THRB: variants seen among roughly 807,000 people sequenced by gnomAD.
THRB encodes the protein thyroid hormone receptor beta.
Under a neutral mutation model 47.8 loss-of-function variants are expected in THRB, and 12 were observed. The observed-to-expected ratio is 0.25, with a 90% CI of 0.16 to 0.41. The LOEUF (loss-of-function observed/expected upper bound fraction) is 0.41, where lower values mean the gene tolerates loss of function less well. THRB is among the 10% of genes least tolerant of loss of function. The probability of loss-of-function intolerance (pLI) is 1.00; values close to 1 mark genes in which losing one functional copy is unlikely to be tolerated. For missense variants in THRB, 348 were observed against 589.2 expected (o/e 0.59, Z 4.24); for synonymous variants, 218 against 212.2 (o/e 1.03, Z -0.24).
chr3:24,448,845 C>A (rs2072355563), intron 1 of THRB, among the ~76,000 whole-genome samples: 1 of 152,122 alleles, frequency 6.6e-6, no homozygotes, highest in Non-Finnish European at 1.5e-5. Context: ...AGAGTAAGAA[C>A]ACAAGCCAGC....
intron 1 of THRB, among the ~76,000 whole-genome samples, chr3:24,426,918 C>T (rs758630229): frequency 1.3e-5 from 2 of 151,944 alleles, no homozygotes; most frequent in Non-Finnish European, 2.9e-5. Context: ...AAATCAAAAA[C>T]ACTGTCTAGA....
At chr3:24,380,502 C>T (rs933687851) in intron 1 of THRB, among the ~76,000 whole-genome samples, 3 of 152,058 alleles carry the variant, frequency 2.0e-5, no homozygotes, top group Admixed American at 2.0e-4. Context: ...CCAGAGAATT[C>T]CTATCCCTTT....
At chr3:24,305,290 C>T (rs1377161259) in intron 2 of THRB, among the ~76,000 whole-genome samples, 1 of 152,174 alleles carries the variant, frequency 6.6e-6, no homozygotes, top group Non-Finnish European at 1.5e-5. Context: ...GCATCCAGGA[C>T]TCTAAGATGA....
intron 6 of THRB, among the ~76,000 whole-genome samples, chr3:24,148,493 C>T (rs905501621): frequency 7.2e-5 from 11 of 152,146 alleles, no homozygotes; most frequent in African/African-American, 2.7e-4. Flanking sequence ...AACACCTGGC[C>T]TCAAGTGATC....
At chr3:24,411,306 T>C (rs1216521312) in intron 1 of THRB, among the ~76,000 whole-genome samples, 1 of 151,856 alleles carries the variant, frequency 6.6e-6, no homozygotes, top group African/African-American at 2.4e-5. Context: ...TTCATTTGCA[T>C]GTACCAATAT....
chr3:24,412,787 T>G (rs562249210), intron 1 of THRB, among the ~76,000 whole-genome samples: 2 of 151,946 alleles, frequency 1.3e-5, no homozygotes, highest in African/African-American at 4.8e-5. Flanking sequence ...GTCACTATTT[T>G]TACAATTTAA....
intron 2 of THRB, among the ~76,000 whole-genome samples, chr3:24,334,957 C>T (rs2062149412): frequency 6.6e-6 from 1 of 152,190 alleles, no homozygotes; most frequent in Admixed American, 6.5e-5. Context: ...TAACGTTTGT[C>T]ACGTGTTTCT....
chr3:24,365,461 C>T (rs1278280970), intron 1 of THRB, among the ~76,000 whole-genome samples: 1 of 152,160 alleles, frequency 6.6e-6, no homozygotes, highest in East Asian at 1.9e-4. Context: ...AGTAACATGG[C>T]TGCTTTATAA....
intron 1 of THRB, among the ~76,000 whole-genome samples, chr3:24,427,032 C>T (rs59101844): frequency 6.6e-6 from 1 of 151,958 alleles, no homozygotes. Context: ...GGGATTCAAA[C>T]TGCATTGTTC....
At chr3:24,471,463 A>G (rs1478124452) in intron 1 of THRB, among the ~76,000 whole-genome samples, 10 of 152,224 alleles carry the variant, frequency 6.6e-5, no homozygotes, top group Admixed American at 6.5e-4. Context: ...GGCCTCCAAC[A>G]TATATCTAAT....
intron 1 of THRB, among the ~76,000 whole-genome samples, chr3:24,469,113 A>G (rs990203693): frequency 2.0e-5 from 3 of 152,162 alleles, no homozygotes; most frequent in Non-Finnish European, 4.4e-5. Context: ...CTCCGCTGGA[A>G]TGTTTTCCCT....
At chr3:24,188,971 C>T (rs1247065849) in intron 5 of THRB, among the ~76,000 whole-genome samples, 2 of 150,086 alleles carry the variant, frequency 1.3e-5, no homozygotes, top group Non-Finnish European at 3.0e-5. Flanking sequence ...AACACTATTT[C>T]ACTATTACTT....
intron 1 of THRB, among the ~76,000 whole-genome samples, chr3:24,347,935 GT>G (rs1364724402): frequency 6.6e-6 from 1 of 152,048 alleles, no homozygotes; most frequent in Non-Finnish European, 1.5e-5. Context: ...GTTCATTCAG[GT>G]TATAGAAGAA....
At chr3:24,368,920 G>A (rs1268842472) in intron 1 of THRB, among the ~76,000 whole-genome samples, 1 of 152,172 alleles carries the variant, frequency 6.6e-6, no homozygotes, top group Non-Finnish European at 1.5e-5. Context: ...GTCTATGAAG[G>A]TTCGGAGGGG....
At chr3:24,378,714 A>G (rs9878396) in intron 1 of THRB, among the ~76,000 whole-genome samples, 5,159 of 152,216 alleles carry the variant, frequency 0.034, 271 homozygotes, top group African/African-American at 0.11. Flanking sequence ...AGAATTTCCA[A>G]CTAAAAAGCT....
intron 3 of THRB, among the ~76,000 whole-genome samples, chr3:24,271,890 T>A (rs1173612528): frequency 2.0e-5 from 3 of 152,168 alleles, no homozygotes; most frequent in Non-Finnish European, 4.4e-5. Context: ...TATCACATGG[T>A]AAATGATGTA....
intron 3 of THRB, among the ~76,000 whole-genome samples, chr3:24,292,209 A>C (rs899658471): frequency 6.6e-6 from 1 of 152,334 alleles, no homozygotes; most frequent in African/African-American, 2.4e-5. Context: ...AAAATGAAAA[A>C]ATGCAACTAG....
At chr3:24,182,136 G>C (rs977434548) in intron 5 of THRB, among the ~76,000 whole-genome samples, 1 of 152,182 alleles carries the variant, frequency 6.6e-6, no homozygotes, top group East Asian at 1.9e-4. Context: ...GGGAGGTGGA[G>C]CTTGCAGTGA....
chr3:24,212,203 C>G (rs1445951140), intron 4 of THRB, among the ~76,000 whole-genome samples: 1 of 151,960 alleles, frequency 6.6e-6, no homozygotes, highest in Non-Finnish European at 1.5e-5. Context: ...TCGAGACCAG[C>G]CTGGTCAACA....
Sources: gnomAD v4.1 joint callset for allele counts (sites outside exome capture counted in the v4.1 genomes callset) on GRCh38, gnomAD v4.1.1 for gene constraint, MANE v1.5 for transcripts, NCBI Gene and HGNC (gene_info 2026-07-23, HGNC 2026-07-21) for gene names.